LUZP1: variants seen among roughly 807,000 people sequenced by gnomAD.
LUZP1 encodes the protein leucine zipper protein 1.
LUZP1 carries 25 observed loss-of-function variants against 71.3 expected under a neutral mutation model. The observed-to-expected ratio is 0.35, with a 90% CI of 0.26 to 0.49. LUZP1 has a LOEUF of 0.49. Ranked by LOEUF, LUZP1 falls within the 20% of genes least tolerant of loss-of-function variation. LUZP1 has a pLI of 0.99. For missense variants in LUZP1, 1,142 were observed against 1,300.8 expected, an observed-to-expected ratio of 0.88 and a Z score of 1.88; for synonymous variants, 481 against 506.4, an observed-to-expected ratio of 0.95 and a Z score of 0.67.
intron 2 of LUZP1, among the ~76,000 whole-genome samples, chr1:23,125,399 T>C (rs10489563): frequency 0.33 from 49,532 of 152,070 alleles, 8,469 homozygotes; most frequent in East Asian, 0.45. Flanking sequence ...TGTCTTACTA[T>C]GAAGTAAATC....
At chr1:23,166,782 T>A (rs1270639699) in intron 2 of LUZP1, among the ~76,000 whole-genome samples, 1 of 152,088 alleles carries the variant, frequency 6.6e-6, no homozygotes, top group Non-Finnish European at 1.5e-5. Flanking sequence ...CAACATTAGT[T>A]CCTTTTCTTG....
intron 2 of LUZP1, among the ~76,000 whole-genome samples, chr1:23,130,790 G>A (rs1426460153): frequency 1.3e-5 from 2 of 151,912 alleles, no homozygotes; most frequent in Admixed American, 1.3e-4. Context: ...ACAGAATCTG[G>A]TTATTGCCAC....
exon 4 of LUZP1, chr1:23,092,672 A>C: frequency 1.9e-6 from 3 of 1,614,148 alleles, no homozygotes; most frequent in Non-Finnish European, 2.5e-6. Context: ...AGGTGTCAGA[A>C]GCCTTGTCAG....
chr1:23,084,179 CA>C (rs1184886263), exon 5 of LUZP1: 4 of 152,190 alleles, frequency 2.6e-5, no homozygotes, highest in Non-Finnish European at 5.9e-5. Flanking sequence ...CAGATTGCCA[CA>C]AACTTAGTGG....
downstream of LUZP1, chr1:23,083,800 TTAAA>T (rs1253571961): frequency 6.5e-6 from 1 of 153,468 alleles, no homozygotes; most frequent in Non-Finnish European, 1.5e-5. Flanking sequence ...TTCTCCATGT[TTAAA>T]TAAGGAAGAA....
chr1:23,131,158 G>A (rs1030180418), intron 2 of LUZP1, among the ~76,000 whole-genome samples: 9 of 127,284 alleles, frequency 7.1e-5, no homozygotes, highest in African/African-American at 2.6e-4. Context: ...GATGGAGGTT[G>A]TAGTGAGCTG....
chr1:23,124,303 G>A (rs560193504), intron 2 of LUZP1, among the ~76,000 whole-genome samples: 6 of 152,240 alleles, frequency 3.9e-5, no homozygotes, highest in Admixed American at 2.6e-4. Context: ...GAGAGGAAAC[G>A]GAGTCTTGAA....
intron 2 of LUZP1, among the ~76,000 whole-genome samples, chr1:23,158,165 T>G (rs1644435078): frequency 6.6e-6 from 1 of 152,200 alleles, no homozygotes; most frequent in Admixed American, 6.5e-5. Context: ...ACTGAAATTG[T>G]CTAATTTAAA....
At chr1:23,124,706 A>G (rs1186768717) in intron 2 of LUZP1, among the ~76,000 whole-genome samples, 1 of 152,188 alleles carries the variant, frequency 6.6e-6, no homozygotes, top group Non-Finnish European at 1.5e-5. Context: ...AAAGATTAAC[A>G]TCATTTTGGG....
intron 2 of LUZP1, among the ~76,000 whole-genome samples, chr1:23,166,929 T>C (rs1309031144): frequency 1.3e-5 from 2 of 152,170 alleles, no homozygotes; most frequent in African/African-American, 4.8e-5. Context: ...CCTTCCCAGC[T>C]CACTATTTCC....
At chr1:23,158,616 T>G (rs561652080) in intron 2 of LUZP1, among the ~76,000 whole-genome samples, 3 of 117,834 alleles carry the variant, frequency 2.5e-5, no homozygotes, top group African/African-American at 1.0e-4. Flanking sequence ...CATTGCACCC[T>G]GACCTGAGTG....
intron 2 of LUZP1, among the ~76,000 whole-genome samples, chr1:23,114,665 C>G (rs937987139): frequency 6.6e-6 from 1 of 152,220 alleles, no homozygotes. Flanking sequence ...CCTCCCAACC[C>G]CACTTGCCAA....
chr1:23,136,598 G>A (rs1436830254), intron 2 of LUZP1, among the ~76,000 whole-genome samples: 1 of 151,552 alleles, frequency 6.6e-6, no homozygotes, highest in African/African-American at 2.4e-5. Flanking sequence ...CTCTGGCCGC[G>A]ACAATGACAG....
chr1:23,156,959 A>T (rs1644424854), intron 2 of LUZP1, among the ~76,000 whole-genome samples: 1 of 152,280 alleles, frequency 6.6e-6, no homozygotes, highest in Non-Finnish European at 1.5e-5. Context: ...AGAATTAAGA[A>T]CACGTAATAT....
At chr1:23,099,860 C>T (rs548907374) in intron 3 of LUZP1, among the ~76,000 whole-genome samples, 9 of 152,130 alleles carry the variant, frequency 5.9e-5, no homozygotes, top group Non-Finnish European at 1.2e-4. Flanking sequence ...GTCCAAATTC[C>T]CCATGATGGC....
intron 2 of LUZP1, among the ~76,000 whole-genome samples, chr1:23,117,887 C>T (rs921323114): frequency 2.0e-5 from 3 of 151,932 alleles, no homozygotes; most frequent in Non-Finnish European, 4.4e-5. Context: ...GTCAGGAGTT[C>T]GAGACCAACC....
intron 2 of LUZP1, among the ~76,000 whole-genome samples, chr1:23,115,571 C>T (rs1203795682): frequency 6.6e-6 from 1 of 152,130 alleles, no homozygotes; most frequent in Non-Finnish European, 1.5e-5. Context: ...GACAAAGTCT[C>T]GCTCTGTTGC....
chr1:23,092,964 T>G (rs1370421087), exon 4 of LUZP1: 1 of 1,614,166 alleles, frequency 6.2e-7, no homozygotes, highest in South Asian at 1.1e-5. Flanking sequence ...GTGAGAAGCT[T>G]TTGCTGCCCT....
chr1:23,128,478 G>A (rs1644189956), intron 2 of LUZP1, among the ~76,000 whole-genome samples: 1 of 152,208 alleles, frequency 6.6e-6, no homozygotes, highest in Non-Finnish European at 1.5e-5. Flanking sequence ...AATGTAAAGT[G>A]TTATACAATA....
Sources: allele counts gnomAD v4.1 joint callset (sites outside exome capture counted in the v4.1 genomes callset), GRCh38; gene constraint gnomAD v4.1.1; transcripts MANE v1.5; gene names NCBI Gene and HGNC (gene_info 2026-07-23, HGNC 2026-07-21).